Variants in ADAMTSL1 observed in about 807,000 individuals in gnomAD.
The protein encoded by ADAMTSL1 is ADAMTS like 1, also known as ADAMTS-like protein 1.
Under a neutral mutation model 201.8 loss-of-function variants are expected in ADAMTSL1, and 126 were observed. That is an observed-to-expected ratio of 0.62 (90% CI 0.54 to 0.72). The LOEUF (loss-of-function observed/expected upper bound fraction) is 0.72. ADAMTSL1 is among the 30% of genes least tolerant of loss of function. The pLI, the probability that ADAMTSL1 is intolerant of heterozygous loss-of-function variation, is 0.00. For synonymous variants in ADAMTSL1, 1,121 were observed against 903.4 expected (o/e 1.24, Z -4.32); for missense variants, 2,679 against 2,277.8 (o/e 1.18, Z -3.59).
At chr9:18,322,282 GA>G (rs1258879899) in intron 2 of ADAMTSL1, among the ~76,000 whole-genome samples, 2 of 152,130 alleles carry the variant, frequency 1.3e-5, no homozygotes, top group Non-Finnish European at 2.9e-5. Context: ...CAATTATATA[GA>G]AAAAAATTAA....
In ADAMTSL1 at chr9:18,586,308, A is replaced by G. The variant is rs184454455; in HGVS notation, c.474+12042A>G. Among the ~76,000 whole-genome samples the G allele has an allele frequency of 2.1e-3, 322 of 152,310 alleles. 3 individuals carry two copies. Among genetic ancestry groups the G allele is most frequent in the African/African-American group, 7.2e-3 (299 of 41,572 alleles). ...TGTACACCAACAACAGCCAAGCTGA[A>G]AGCCAAATCAGGAATGCAATTCCAT... On this transcript the variant is annotated intron_variant, in intron 4 of 28. Coordinates refer to ENST00000380548, the MANE Select transcript of ADAMTSL1 (RefSeq NM_001040272.6).
chr9:18,731,761 C>A (rs747615807), intron 15 of ADAMTSL1, among the ~76,000 whole-genome samples: 3 of 152,166 alleles, frequency 2.0e-5, no homozygotes, highest in Non-Finnish European at 2.9e-5. Context: ...TGGGCTACTA[C>A]TTCACATGGT....
intron 2 of ADAMTSL1, among the ~76,000 whole-genome samples, chr9:18,336,037 G>T (rs1414843644): frequency 6.6e-6 from 1 of 152,090 alleles, no homozygotes; most frequent in African/African-American, 2.4e-5. Flanking sequence ...ATATGAAGAT[G>T]AGTAAACAAG....
intron 2 of ADAMTSL1, among the ~76,000 whole-genome samples, chr9:18,438,788 C>T (rs930017610): frequency 3.9e-5 from 6 of 152,128 alleles, no homozygotes; most frequent in South Asian, 2.1e-4. Flanking sequence ...TCTGCACACG[C>T]CGGGCAGCCC....
chr9:18,157,178 A>G (rs1170342285), intron 1 of ADAMTSL1, among the ~76,000 whole-genome samples: 1 of 152,042 alleles, frequency 6.6e-6, no homozygotes, highest in Non-Finnish European at 1.5e-5. Flanking sequence ...TTATAGATCA[A>G]TCCCACATTA....
intron 23 of ADAMTSL1, among the ~76,000 whole-genome samples, chr9:18,849,334 G>C (rs1052285705): frequency 1.3e-5 from 2 of 152,098 alleles, no homozygotes; most frequent in Non-Finnish European, 1.5e-5. Context: ...CCTATAGCCT[G>C]GATTTTTCTT....
intron 2 of ADAMTSL1, among the ~76,000 whole-genome samples, chr9:18,508,447 A>G (rs907159291): frequency 2.6e-5 from 4 of 152,168 alleles, no homozygotes; most frequent in African/African-American, 9.7e-5. Context: ...TCTCCTCCAT[A>G]TATAGTTTGA....
intron 20 of ADAMTSL1, among the ~76,000 whole-genome samples, chr9:18,800,572 A>C (rs1448866971): frequency 6.6e-6 from 1 of 152,104 alleles, no homozygotes; most frequent in Admixed American, 6.5e-5. Context: ...AAAGACCCCA[A>C]GCTTTCATAG....
At chr9:18,496,279 G>C (rs190193590) in intron 1 of ADAMTSL1, among the ~76,000 whole-genome samples, 2 of 152,306 alleles carry the variant, frequency 1.3e-5, no homozygotes, top group African/African-American at 4.8e-5. Flanking sequence ...AGTAAGGAGA[G>C]CTGAACTTAA....
At chr9:18,279,890 T>C (rs1832718903) in intron 2 of ADAMTSL1, among the ~76,000 whole-genome samples, 1 of 152,126 alleles carries the variant, frequency 6.6e-6, no homozygotes, top group Non-Finnish European at 1.5e-5. Flanking sequence ...AGGACCAGCC[T>C]GGTGCTGGGG....
intron 7 of ADAMTSL1, among the ~76,000 whole-genome samples, chr9:18,642,565 A>G (rs766394643): frequency 1.3e-5 from 2 of 151,866 alleles, no homozygotes; most frequent in South Asian, 4.1e-4. Flanking sequence ...CTTTTGACCA[A>G]CATTTCCCCC....
chr9:18,641,834 T>G (rs1184201036), intron 7 of ADAMTSL1, among the ~76,000 whole-genome samples: 3 of 151,996 alleles, frequency 2.0e-5, no homozygotes, highest in African/African-American at 7.2e-5. Flanking sequence ...TTTATAATTA[T>G]ATATATCATA....
chr9:18,746,589 C>G (rs186504878), intron 15 of ADAMTSL1, among the ~76,000 whole-genome samples: 4 of 152,038 alleles, frequency 2.6e-5, no homozygotes, highest in Non-Finnish European at 4.4e-5. Flanking sequence ...CTGCAAAAGT[C>G]GAGGTAAAAG....
At chr9:18,264,673 G>C (rs1587425269) in intron 2 of ADAMTSL1, among the ~76,000 whole-genome samples, 1 of 152,140 alleles carries the variant, frequency 6.6e-6, no homozygotes. Flanking sequence ...TCCAATTTAA[G>C]GACTTAATGT....
chr9:18,295,989 G>T (rs1414227055), intron 2 of ADAMTSL1, among the ~76,000 whole-genome samples: 1 of 152,108 alleles, frequency 6.6e-6, no homozygotes, highest in Non-Finnish European at 1.5e-5. Context: ...GTGCCTCCTG[G>T]TAATGATGCA....
intron 7 of ADAMTSL1, among the ~76,000 whole-genome samples, chr9:18,643,302 G>T (rs766528596): frequency 1.1e-4 from 16 of 151,934 alleles, no homozygotes; most frequent in Non-Finnish European, 2.1e-4. Flanking sequence ...TGAGTTTCTT[G>T]TATATTTTGG....
intron 3 of ADAMTSL1, among the ~76,000 whole-genome samples, chr9:18,539,899 C>A (rs142933195): frequency 6.6e-6 from 1 of 152,016 alleles, no homozygotes; most frequent in Non-Finnish European, 1.5e-5. Flanking sequence ...GTTTGGTATT[C>A]CTGTTGGCCG....
chr9:18,248,636 CT>C (rs1831349986), intron 2 of ADAMTSL1, among the ~76,000 whole-genome samples: 1 of 152,112 alleles, frequency 6.6e-6, no homozygotes, highest in Non-Finnish European at 1.5e-5. Flanking sequence ...GTTTCAGAGC[CT>C]CTCCAGGACT....
chr9:17,917,818 A>G (rs1826156807), intron 1 of ADAMTSL1, among the ~76,000 whole-genome samples: 1 of 151,978 alleles, frequency 6.6e-6, no homozygotes, highest in African/African-American at 2.4e-5. Flanking sequence ...ATTTGGTGTG[A>G]GAACTGTTTA....
Sources: gnomAD v4.1 joint callset for allele counts (sites outside exome capture counted in the v4.1 genomes callset) on GRCh38, gnomAD v4.1.1 for gene constraint, MANE v1.5 for transcripts, NCBI Gene and HGNC (gene_info 2026-07-23, HGNC 2026-07-21) for gene names.